Variants in FCN1 observed in about 807,000 individuals in gnomAD.
FCN1 encodes ficolin 1.
A neutral mutation model predicts 35.6 loss-of-function variants in FCN1; 42 were observed. That is an observed-to-expected ratio of 1.18 (90% CI 0.92 to 1.53). The LOEUF (loss-of-function observed/expected upper bound fraction) is 1.53. FCN1 is among the 40% of genes most tolerant of loss of function. The pLI, the probability that FCN1 is intolerant of heterozygous loss-of-function variation, is 0.00. For synonymous variants in FCN1, 179 were observed against 169.8 expected, an observed-to-expected ratio of 1.05 and a Z score of -0.42; for missense variants, 439 against 428.4, an observed-to-expected ratio of 1.02 and a Z score of -0.22.
chr9:134,907,415 A>G lies in FCN1; in HGVS notation c.*2383T>C, dbSNP rs1830968345. The G allele has an allele frequency of 6.6e-6, 1 of 152,244 alleles. No individual in the cohort carries two copies. Among genetic ancestry groups the G allele is most frequent in the African/African-American group, 2.4e-5 (1 of 41,460 alleles). 9.4% of individuals were successfully genotyped at this position (152,244 alleles called of 1,614,324 possible). ...CAGTTTCTTTATAAGTAGTTTTTAAATTGTGGAACATAACATGTACTCAAA... is the reference window on the plus strand; with the variant it reads ...CAGTTTCTTTATAAGTAGTTTTTAAGTTGTGGAACATAACATGTACTCAAA... On this transcript the variant is annotated 3_prime_UTR_variant, in exon 9 of 9. Coordinates refer to ENST00000371806, the MANE Select transcript of FCN1 (RefSeq NM_002003.5).
chr9:134,917,078 C>T (rs558208216), intron 1 of FCN1, among the ~76,000 whole-genome samples: 5 of 152,354 alleles, frequency 3.3e-5, no homozygotes, highest in East Asian at 1.9e-4. Flanking sequence ...CTGCTAAGGG[C>T]GCTCTTAGAG....
Position 134,909,708 on chromosome 9 carries a change from T to C in FCN1, c.*90A>G. The C allele has an allele frequency of 1.3e-6, 2 of 1,596,494 alleles. No individual in the cohort carries two copies. Among genetic ancestry groups the C allele is most frequent in the Non-Finnish European group, 8.5e-7 (1 of 1,177,432 alleles). ...GCTGTGGGCGTCATGGGAGTGTGTC[T>C]GGCTGGGGAAATGGGGTGACTTCCA... is the stretch of plus-strand genomic sequence containing the variant. On this transcript the variant is annotated 3_prime_UTR_variant, in exon 9 of 9. Transcript: ENST00000371806.
At chr9:134,910,112 C>G in intron 8 of FCN1, 67 bp from the exon 9 acceptor site, 1 of 1,422,316 alleles carries the variant, frequency 7.0e-7, no homozygotes. Context: ...ACCCTCACCA[C>G]ATCCTGCCTC....
At chr9:134,915,327 C>G (rs572967569) in intron 2 of FCN1, among the ~76,000 whole-genome samples, 3 of 152,286 alleles carry the variant, frequency 2.0e-5, no homozygotes, top group South Asian at 2.1e-4. Flanking sequence ...GTGACCCTCC[C>G]GTCCCCGATG....
intron 2 of FCN1, 72 bp downstream of exon 2, chr9:134,916,276 G>T: frequency 1.7e-6 from 2 of 1,177,848 alleles, no homozygotes; most frequent in Non-Finnish European, 1.3e-6. Context: ...GCCCAACTCT[G>T]CATCCAGTTT....
At chr9:134,913,231 G>A in intron 5 of FCN1, 88 bp from the exon 6 acceptor site, 1 of 1,543,086 alleles carries the variant, frequency 6.5e-7, no homozygotes, top group Non-Finnish European at 8.9e-7. Flanking sequence ...GGGAGGAGGA[G>A]GGCCACAGGC....
chr9:134,915,742 C>A (rs770031166), intron 2 of FCN1, among the ~76,000 whole-genome samples: 32 of 152,214 alleles, frequency 2.1e-4, no homozygotes, highest in Non-Finnish European at 3.7e-4. Flanking sequence ...CCTAAGGCAG[C>A]GCCCTTTCTG....
intron 5 of FCN1, 81 bp from the exon 6 acceptor site, chr9:134,913,224 A>G: frequency 6.4e-7 from 1 of 1,563,086 alleles, no homozygotes; most frequent in Non-Finnish European, 8.7e-7. Context: ...CCCAGGAGGG[A>G]GGAGGAGGGC....
At position 134,909,314 on chromosome 9, in the gene FCN1, T is replaced by C. The variant is rs1830991042; in HGVS notation, c.*484A>G. ...TTTTCTGGACCCCAAAGTGACCTTT[T>C]TCAAGAAGTGTGAAGTGTTGTGAGT... On this transcript the variant is annotated 3_prime_UTR_variant, in exon 9 of 9. Transcript: ENST00000371806. 2 of 1,289,660 alleles carry C rather than the reference T, an allele frequency of 1.6e-6. No individual in the cohort carries two copies. Among genetic ancestry groups the C allele is most frequent in the Non-Finnish European group, 2.0e-6 (2 of 988,942 alleles). 79.9% of individuals were successfully genotyped at this position (1,289,660 alleles called of 1,614,324 possible). A position where few individuals can be genotyped will look rare whatever the true frequency, so the allele number is the denominator to read the frequency against.
intron 3 of FCN1, 110 bp from the exon 4 acceptor site, chr9:134,914,530 G>A (rs1245342924): frequency 1.4e-5 from 16 of 1,140,846 alleles, no homozygotes; most frequent in Non-Finnish European, 2.0e-5. Flanking sequence ...CAGCCCTGCA[G>A]GCTCACTAAG....
intron 2 of FCN1, among the ~76,000 whole-genome samples, chr9:134,915,276 TGG>T (rs1831078118): frequency 6.6e-6 from 1 of 152,128 alleles, no homozygotes; most frequent in Admixed American, 6.5e-5. Context: ...CCTGAGCTCC[TGG>T]GGTGTCACAC....
chr9:134,909,472 G>A lies in FCN1; in HGVS notation c.*326C>T. On this transcript the variant is annotated 3_prime_UTR_variant, in exon 9 of 9. Coordinates refer to ENST00000371806, the MANE Select transcript of FCN1 (RefSeq NM_002003.5). ...CGGTAGTGCCATCTGCTAAATAAGG[G>A]TCCTGACTCTTCCCGACTTACCAAA... The A allele has an allele frequency of 1.5e-6, 2 of 1,311,240 alleles. No homozygotes were observed. Among genetic ancestry groups the A allele is most frequent in the Non-Finnish European group, 2.0e-6 (2 of 1,003,082 alleles). 81.2% of individuals were successfully genotyped at this position (1,311,240 alleles called of 1,614,324 possible).
chr9:134,911,448 A>G (rs561366805), intron 7 of FCN1, among the ~76,000 whole-genome samples, 181 bp from the exon 8 acceptor site: 49 of 150,922 alleles, frequency 3.2e-4, no homozygotes, highest in Non-Finnish European at 6.8e-4. Context: ...GGGTTCAAGC[A>G]ATTCTCCTGC....
Position 134,909,236 on chromosome 9 carries a change from C to T in FCN1, c.*562G>A, listed in dbSNP as rs748715391. The T allele has an allele frequency of 2.8e-5, 36 of 1,289,608 alleles. No individual in the cohort carries two copies. Among genetic ancestry groups the T allele is most frequent in the South Asian group, 2.6e-4 (21 of 81,032 alleles). The allele number at this position is 1,289,608 out of a possible 1,614,324, so 79.9% of individuals were successfully genotyped here. On this transcript the variant is annotated 3_prime_UTR_variant, in exon 9 of 9. Transcript: ENST00000371806. ...AGCCAGCCCAAAGCATGAACTCTGC[C>T]GTGGTGGGAAGCAGAAAAGTTCCTA...
intron 8 of FCN1, 57 bp from the exon 9 acceptor site, chr9:134,910,102 A>T: frequency 1.4e-6 from 2 of 1,470,772 alleles, no homozygotes; most frequent in Non-Finnish European, 1.9e-6. Context: ...CCACTGTGAG[A>T]CCCTCACCAC....
At chr9:134,910,794 G>C (rs1048589873) in intron 8 of FCN1, among the ~76,000 whole-genome samples, 3 of 152,210 alleles carry the variant, frequency 2.0e-5, no homozygotes, top group Non-Finnish European at 4.4e-5. Context: ...GGTAAAGAAT[G>C]TCCCACAAGG....
At chr9:134,910,902 T>C (rs1482252659) in intron 8 of FCN1, among the ~76,000 whole-genome samples, 1 of 152,214 alleles carries the variant, frequency 6.6e-6, no homozygotes, top group African/African-American at 2.4e-5. Context: ...TGGTGGGTCG[T>C]CTCAGCCCTG....
chr9:134,910,505 C>T (rs931785302), intron 8 of FCN1, among the ~76,000 whole-genome samples: 4 of 152,168 alleles, frequency 2.6e-5, no homozygotes, highest in Non-Finnish European at 2.9e-5. Flanking sequence ...CCCTGAGCCT[C>T]GGTTTTACCA....
chr9:134,910,264 C>A (rs1831006524), intron 8 of FCN1, among the ~76,000 whole-genome samples: 1 of 152,150 alleles, frequency 6.6e-6, no homozygotes, highest in Non-Finnish European at 1.5e-5. Flanking sequence ...ACCTGAGGCC[C>A]CTGCTCCAGC....
Sources: gnomAD v4.1 joint callset for allele counts (sites outside exome capture counted in the v4.1 genomes callset) on GRCh38, gnomAD v4.1.1 for gene constraint, MANE v1.5 for transcripts, NCBI Gene and HGNC (gene_info 2026-07-23, HGNC 2026-07-21) for gene names.